KCNC2: variants seen among roughly 807,000 people sequenced by gnomAD.
KCNC2 encodes potassium voltage-gated channel subfamily C member 2.
Under a neutral mutation model 44.5 loss-of-function variants are expected in KCNC2, and 21 were observed. That is an observed-to-expected ratio of 0.47 (90% confidence interval 0.33 to 0.68). The LOEUF (loss-of-function observed/expected upper bound fraction) is 0.68, where lower values mean the gene tolerates loss of function less well. Ranked by LOEUF, KCNC2 falls within the 30% of genes least tolerant of loss-of-function variation. The probability of loss-of-function intolerance (pLI) is 0.01; values close to 1 mark genes in which losing one functional copy is unlikely to be tolerated. For missense variants in KCNC2, 589 were observed against 826.2 expected (o/e 0.71, Z 3.52); for synonymous variants, 391 against 339.1 (o/e 1.15, Z -1.68).
intron 3 of KCNC2, among the ~76,000 whole-genome samples, chr12:75,049,530 T>C (rs78258867): frequency 6.6e-6 from 1 of 152,104 alleles, no homozygotes; most frequent in Non-Finnish European, 1.5e-5. Context: ...GGCAGCTGAA[T>C]GTCAATTTCT....
At chr12:75,093,867 T>C (rs1885700633) in intron 2 of KCNC2, among the ~76,000 whole-genome samples, 1 of 151,732 alleles carries the variant, frequency 6.6e-6, no homozygotes, top group Non-Finnish European at 1.5e-5. Context: ...ACTGTTTCAC[T>C]AGAAGGTCCC....
At chr12:75,154,838 G>A (rs951647860) in intron 2 of KCNC2, among the ~76,000 whole-genome samples, 7 of 151,940 alleles carry the variant, frequency 4.6e-5, no homozygotes, top group African/African-American at 9.7e-5. Flanking sequence ...TATAAAAGTC[G>A]TGTGGCTTTC....
intron 2 of KCNC2, among the ~76,000 whole-genome samples, chr12:75,077,139 AT>A: frequency 6.6e-6 from 1 of 152,298 alleles, no homozygotes; most frequent in East Asian, 1.9e-4. Context: ...AAATCTATTT[AT>A]TTAACAATAT....
chr12:75,044,165 G>C (rs1374322621), intron 4 of KCNC2, among the ~76,000 whole-genome samples: 1 of 151,914 alleles, frequency 6.6e-6, no homozygotes, highest in Non-Finnish European at 1.5e-5. Flanking sequence ...AGTTAAACGA[G>C]GTGGAAAGCA....
Position 75,042,562 on chromosome 12 carries a change from A to G in KCNC2, c.*543T>C, listed in dbSNP as rs1211804597. On this transcript the variant is annotated 3_prime_UTR_variant, in exon 5 of 5. Transcript: ENST00000549446. ...CAGAACAGTCGACCAATGCTTTCATATCAGCAGGATGGTTCGATGCAAGTA... is the reference window on the plus strand; with the variant it reads ...CAGAACAGTCGACCAATGCTTTCATGTCAGCAGGATGGTTCGATGCAAGTA... The G allele has an allele frequency of 2.2e-6, 3 of 1,389,456 alleles. No individual in the cohort carries two copies. Among genetic ancestry groups the G allele is most frequent in the Non-Finnish European group, 2.8e-6 (3 of 1,074,856 alleles). The allele number at this position is 1,389,456 out of a possible 1,614,324, so 86.1% of individuals were successfully genotyped here. A position where few individuals can be genotyped will look rare whatever the true frequency, so the allele number is the denominator to read the frequency against.
chr12:75,058,340 A>G (rs1004049348), intron 2 of KCNC2, among the ~76,000 whole-genome samples: 11 of 151,590 alleles, frequency 7.3e-5, no homozygotes, highest in Non-Finnish European at 1.5e-4. Flanking sequence ...TATCTTTAAT[A>G]TATTTAATAT....
intron 2 of KCNC2, among the ~76,000 whole-genome samples, chr12:75,127,511 C>T (rs1000884919): frequency 6.6e-6 from 1 of 152,058 alleles, no homozygotes; most frequent in Non-Finnish European, 1.5e-5. Flanking sequence ...GTAAGCAAAA[C>T]ATGTAGACTC....
chr12:75,109,744 A>C (rs921313118), intron 2 of KCNC2, among the ~76,000 whole-genome samples: 1 of 152,064 alleles, frequency 6.6e-6, no homozygotes, highest in African/African-American at 2.4e-5. Flanking sequence ...AGGCCACGGA[A>C]CCCAGAAAAC....
intron 2 of KCNC2, among the ~76,000 whole-genome samples, chr12:75,111,237 A>AC (rs1321954102): frequency 6.6e-6 from 1 of 152,106 alleles, no homozygotes; most frequent in Non-Finnish European, 1.5e-5. Context: ...TGTATTCTTC[A>AC]CCCTCCCTTC....
chr12:75,073,425 A>C (rs919688167), intron 2 of KCNC2, among the ~76,000 whole-genome samples: 2 of 152,182 alleles, frequency 1.3e-5, no homozygotes, highest in African/African-American at 4.8e-5. Flanking sequence ...GTATCTTCTC[A>C]CTTCTTGAGA....
In KCNC2 at chr12:75,207,749, C is replaced by G. The variant is rs776826710; in HGVS notation, c.235G>C (p.Glu79Gln). 2.6e-5 allele frequency: 40 copies of G among 1,567,030 alleles called. No individual in the cohort carries two copies. Among genetic ancestry groups the G allele is most frequent in the South Asian group, 1.6e-4 (14 of 86,902 alleles). Residue 79 changes from glutamate to glutamine, a missense_variant, in exon 2 of 5, where the codon GAG (glutamate) becomes CAG (glutamine). By Grantham distance (29) the Glu-to-Gln change is conservative. Coordinates refer to ENST00000549446, the MANE Select transcript of KCNC2 (RefSeq NM_139137.4). The surrounding 1 kb of genome is among the most constrained non-coding windows in gnomAD (Gnocchi z 4.1). ...PLSPGPGGCFEGGAGNCSSRG... is the reference protein window; with the variant it reads ...PLSPGPGGCFQGGAGNCSSRG... The stretch of plus-strand genomic sequence containing the variant: ...GAACTGCAGTTGCCCGCGCCGCCCT[C>G]GAAGCAGCCGCCTGGCCCGGGGGAC...
intron 2 of KCNC2, among the ~76,000 whole-genome samples, chr12:75,128,588 C>G (rs534589137): frequency 2.8e-4 from 43 of 152,064 alleles, no homozygotes; most frequent in Non-Finnish European, 3.8e-4. Context: ...AAGCCATACC[C>G]AATCTCCTCT....
chr12:75,150,993 C>T (rs548483689), intron 2 of KCNC2, among the ~76,000 whole-genome samples: 1 of 151,854 alleles, frequency 6.6e-6, no homozygotes, highest in Non-Finnish European at 1.5e-5. Context: ...GGATTATATG[C>T]TCTACATAAA....
rs528688432 is a variant in KCNC2 at position 75,075,975 on chromosome 12, C to T, written c.688-24658G>A. ...TCTCCTAATGATCAAACTATTGGTC[C>T]AAAGATTTTTCAAATGGAAATGTTG... is the stretch of plus-strand genomic sequence containing the variant. On this transcript the variant is annotated intron_variant, in intron 2 of 4. Transcript: ENST00000549446. 2.4e-4 allele frequency among the ~76,000 whole-genome samples: 36 copies of T among 150,930 alleles called. No individual in the cohort carries two copies. The East Asian group carries it at 7.1e-3, about 30-fold the overall frequency.
chr12:75,119,554 G>T lies in KCNC2; in HGVS notation c.688-68237C>A, dbSNP rs1887907333. Among the ~76,000 whole-genome samples, 4 of 152,042 alleles carry T rather than the reference G, an allele frequency of 2.6e-5. No homozygotes were observed. The South Asian group carries it at 8.3e-4, about 32-fold the overall frequency. ...AAACTTAACCATAACGGGTGAAGTGGGCCAGAATTTGAAACCAGTTCAACT... is the reference window on the plus strand; with the variant it reads ...AAACTTAACCATAACGGGTGAAGTGTGCCAGAATTTGAAACCAGTTCAACT... On this transcript the variant is annotated intron_variant, in intron 2 of 4. Transcript: ENST00000549446.
At chr12:75,114,903 A>G (rs542270771) in intron 2 of KCNC2, among the ~76,000 whole-genome samples, 149 of 116,844 alleles carry the variant, frequency 1.3e-3, no homozygotes, top group Admixed American at 0.01. Flanking sequence ...TCTCGCTGTC[A>G]CCCAGGCTGG....
intron 2 of KCNC2, among the ~76,000 whole-genome samples, chr12:75,066,075 T>C (rs1010190708): frequency 6.6e-6 from 1 of 152,132 alleles, no homozygotes; most frequent in Non-Finnish European, 1.5e-5. Context: ...TTTATAGAAG[T>C]AGAATAATTC....
intron 2 of KCNC2, among the ~76,000 whole-genome samples, chr12:75,064,598 G>A (rs1236353401): frequency 6.6e-6 from 1 of 151,974 alleles, no homozygotes; most frequent in African/African-American, 2.4e-5. Context: ...TGTTGGTATT[G>A]TTATTAGAAG....
At chr12:75,050,368 T>G in intron 3 of KCNC2, 22 bp downstream of exon 3, 1 of 1,508,084 alleles carries the variant, frequency 6.6e-7, no homozygotes, top group Non-Finnish European at 9.1e-7. Flanking sequence ...TTTAATAACA[T>G]GCATTTGAAG....
Sources: gnomAD v4.1 joint callset for allele counts (sites outside exome capture counted in the v4.1 genomes callset) on GRCh38, gnomAD v4.1.1 for gene constraint, Gnocchi (gnomAD v3.1) non-coding constraint, MANE v1.5 for transcripts, NCBI Gene and HGNC (gene_info 2026-07-23, HGNC 2026-07-21) for gene names.